Variants in STK39 observed in about 807,000 individuals in gnomAD.
The protein encoded by STK39 is serine/threonine kinase 39, also known as STE20/SPS1-related proline-alanine-rich protein kinase.
A neutral mutation model predicts 77.8 loss-of-function variants in STK39; 20 were observed. The observed-to-expected ratio is 0.26, with a 90% CI of 0.18 to 0.37. STK39 has a LOEUF of 0.37. Among genes scored for constraint, STK39 ranks in the 10% least tolerant of loss-of-function variants. STK39 has a pLI of 1.00. For synonymous variants in STK39, 246 were observed against 234.1 expected (o/e 1.05, Z -0.47); for missense variants, 479 against 656.5 (o/e 0.73, Z 2.95).
intron 10 of STK39, among the ~76,000 whole-genome samples, chr2:168,080,485 C>G (rs1170467451): frequency 6.6e-6 from 1 of 152,068 alleles, no homozygotes; most frequent in Non-Finnish European, 1.5e-5. Context: ...AAAAAATTAG[C>G]CGGGCGTGGT....
intron 10 of STK39, among the ~76,000 whole-genome samples, chr2:168,101,687 G>A (rs1379013042): frequency 1.3e-5 from 2 of 152,130 alleles, no homozygotes; most frequent in African/African-American, 2.4e-5. Context: ...GCAGGGGGCC[G>A]AGATCATGCC....
At chr2:168,053,953 C>T (rs926932008) in intron 14 of STK39, among the ~76,000 whole-genome samples, 7 of 152,018 alleles carry the variant, frequency 4.6e-5, no homozygotes, top group South Asian at 2.1e-4. Flanking sequence ...AAATGTAGGA[C>T]GAAAGGAAAA....
At chr2:168,013,381 T>C (rs767917773) in intron 15 of STK39, among the ~76,000 whole-genome samples, 1 of 152,206 alleles carries the variant, frequency 6.6e-6, no homozygotes, top group African/African-American at 2.4e-5. Context: ...AATTACTTAA[T>C]TGAAAGGTTA....
intron 16 of STK39, among the ~76,000 whole-genome samples, chr2:168,012,423 T>A (rs952181749): frequency 3.3e-5 from 5 of 152,164 alleles, no homozygotes; most frequent in African/African-American, 1.2e-4. Flanking sequence ...TCCACCCACC[T>A]TGGCCTCCCA....
chr2:168,058,819 C>T (rs1387596740), intron 14 of STK39, among the ~76,000 whole-genome samples: 1 of 152,248 alleles, frequency 6.6e-6, no homozygotes. Flanking sequence ...ACTCTCACAG[C>T]CACCTTATAT....
intron 8 of STK39, among the ~76,000 whole-genome samples, chr2:168,135,982 A>G (rs1217392411): frequency 1.2e-5 from 1 of 85,782 alleles, no homozygotes; most frequent in Non-Finnish European, 2.5e-5. Context: ...ACGCTCTTCT[A>G]AAGGATTTTT....
intron 1 of STK39, among the ~76,000 whole-genome samples, chr2:168,203,165 C>T (rs528629678): frequency 6.6e-6 from 1 of 152,228 alleles, no homozygotes; most frequent in South Asian, 2.1e-4. Context: ...ACACTGGAAA[C>T]TGTTTCAGAG....
chr2:168,129,877 C>G (rs2105507620), intron 8 of STK39, 119 bp from the exon 9 acceptor site: 1 of 1,070,486 alleles, frequency 9.3e-7, no homozygotes, highest in African/African-American at 1.6e-5. Context: ...AATAGCAAAA[C>G]TGGGAACCAA....
At chr2:168,242,196 C>T (rs115656532) in intron 1 of STK39, among the ~76,000 whole-genome samples, 167 of 152,120 alleles carry the variant, frequency 1.1e-3, no homozygotes, top group Non-Finnish European at 1.7e-3. Flanking sequence ...ATAATTAATG[C>T]TACTGAATTG....
At chr2:167,963,775 C>T (rs1213293530) in intron 17 of STK39, among the ~76,000 whole-genome samples, 1 of 152,182 alleles carries the variant, frequency 6.6e-6, no homozygotes, top group Non-Finnish European at 1.5e-5. Context: ...CTCACATTTA[C>T]TGTAACTAAT....
intron 5 of STK39, among the ~76,000 whole-genome samples, chr2:168,152,501 A>G (rs1688316141): frequency 6.6e-6 from 1 of 152,180 alleles, no homozygotes; most frequent in African/African-American, 2.4e-5. Context: ...GCGCTCCTCA[A>G]CCGTCAAAAG....
At chr2:168,011,795 C>T (rs1489835658) in intron 16 of STK39, among the ~76,000 whole-genome samples, 1 of 152,114 alleles carries the variant, frequency 6.6e-6, no homozygotes, top group East Asian at 1.9e-4. Flanking sequence ...CTGCCACAAC[C>T]CAGCTGCATG....
chr2:168,020,316 TCA>T (rs1299645502), intron 14 of STK39, among the ~76,000 whole-genome samples: 28 of 152,324 alleles, frequency 1.8e-4, no homozygotes, highest in African/African-American at 6.7e-4. Context: ...GTCCATTGCT[TCA>T]CAGTTTTGTA....
chr2:168,192,597 T>C (rs1019767586), intron 1 of STK39, among the ~76,000 whole-genome samples: 1 of 152,214 alleles, frequency 6.6e-6, no homozygotes, highest in African/African-American at 2.4e-5. Context: ...CCCCAAGCTA[T>C]GTGACCTTGG....
intron 14 of STK39, among the ~76,000 whole-genome samples, chr2:168,031,755 CG>C (rs1684838261): frequency 6.6e-6 from 1 of 152,158 alleles, no homozygotes; most frequent in Non-Finnish European, 1.5e-5. Context: ...GCAGCTTCAT[CG>C]TAGACTTCTA....
chr2:168,196,221 A>G (rs1462417771), intron 1 of STK39, among the ~76,000 whole-genome samples: 1 of 152,252 alleles, frequency 6.6e-6, no homozygotes, highest in Non-Finnish European at 1.5e-5. Context: ...ATAATGAAGA[A>G]TATGTACTTG....
chr2:168,106,245 T>G (rs1304895260), intron 10 of STK39, among the ~76,000 whole-genome samples: 5 of 152,208 alleles, frequency 3.3e-5, no homozygotes, highest in Non-Finnish European at 5.9e-5. Flanking sequence ...CTGGATAAAT[T>G]ACTTACATTT....
intron 10 of STK39, among the ~76,000 whole-genome samples, chr2:168,096,062 A>T: frequency 6.6e-6 from 1 of 152,190 alleles, no homozygotes; most frequent in East Asian, 1.9e-4. Context: ...TGCTAAACAT[A>T]GGGTTACAGT....
At chr2:168,027,943 G>A (rs1468756388) in intron 14 of STK39, among the ~76,000 whole-genome samples, 1 of 152,124 alleles carries the variant, frequency 6.6e-6, no homozygotes, top group East Asian at 1.9e-4. Flanking sequence ...TGAATAAATC[G>A]CATGCAGAAA....
Sources: allele counts gnomAD v4.1 joint callset (sites outside exome capture counted in the v4.1 genomes callset), GRCh38; gene constraint gnomAD v4.1.1; transcripts MANE v1.5; gene names NCBI Gene and HGNC (gene_info 2026-07-23, HGNC 2026-07-21).